IFT122: variants seen among roughly 807,000 people sequenced by gnomAD.
The protein encoded by IFT122 is intraflagellar transport protein 122 homolog.
IFT122 carries 118 observed loss-of-function variants against 161.6 expected under a neutral mutation model. The observed-to-expected ratio is 0.73, with a 90% CI of 0.63 to 0.85. The LOEUF is 0.85. Ranked by LOEUF, IFT122 falls within the 40% of genes least tolerant of loss-of-function variation. IFT122 has a pLI of 0.00. For missense variants in IFT122, 1,381 were observed against 1,579.6 expected (o/e 0.87, Z 2.13); for synonymous variants, 550 against 602.4 (o/e 0.91, Z 1.27).
At chr3:129,495,638 A>G (rs756098804) in intron 18 of IFT122, 31 bp downstream of exon 18, 26 of 1,613,420 alleles carry the variant, frequency 1.6e-5, no homozygotes, top group African/African-American at 9.3e-5. Context: ...CCCAAGCTCC[A>G]GCTTGGAGCC....
rs201630151 is a variant in IFT122 at position 129,466,981 on chromosome 3, A to G, written c.655A>G (p.Lys219Glu). 1.2e-5 allele frequency: 19 copies of G among 1,614,190 alleles called. No individual in the cohort carries two copies. Among genetic ancestry groups the G allele is most frequent in the Non-Finnish European group, 1.6e-5 (19 of 1,179,984 alleles). The change falls in exon 8 of 30, where the codon AAG becomes GAG. Residue 219 changes from lysine to glutamate, a missense_variant. Coordinates refer to ENST00000348417, the MANE Select transcript of IFT122 (RefSeq NM_052989.3). Reference protein sequence around the residue: ...RYIQEIPSTLKSAVYSSQGSE... With the variant: ...RYIQEIPSTLESAVYSSQGSE... ...TATTCAGGAAATCCCTTCCACTCTG[A>G]AGTCAGCAGTGTACAGTAGTCAGGG...
At chr3:129,503,677 G>A (rs997396692) in intron 20 of IFT122, among the ~76,000 whole-genome samples, 1 of 152,178 alleles carries the variant, frequency 6.6e-6, no homozygotes, top group African/African-American at 2.4e-5. Context: ...CCATTGGTGA[G>A]GTGATGAGGT....
intron 28 of IFT122, 99 bp from the exon 29 acceptor site, chr3:129,519,469 C>T (rs2084469200): frequency 1.3e-6 from 2 of 1,506,556 alleles, no homozygotes; most frequent in African/African-American, 1.4e-5. Context: ...GAAGCAGGTC[C>T]TCTCTCACCA....
chr3:129,466,893 A>C lies in IFT122; in HGVS notation c.567A>C (p.Arg189=). ...AACAACTACTTACTGTCTACAGCCG[A>C]TGGGAGAGTTTCTGGATGAACAGAG... ...IWSICWNPSS[R]WESFWMNREN... The change falls in exon 8 of 30, where the codon CGA becomes CGC. Residue 189 remains arginine, a synonymous_variant. Coordinates refer to ENST00000348417, the MANE Select transcript of IFT122 (RefSeq NM_052989.3). The C allele has an allele frequency of 6.2e-7, 1 of 1,613,940 alleles. No individual in the cohort carries two copies. The highest frequency in any genetic ancestry group is 8.5e-7 in the Non-Finnish European group (1 of 1,179,768).
At chr3:129,446,930 A>G (rs562183480) in intron 1 of IFT122, among the ~76,000 whole-genome samples, 12 of 152,282 alleles carry the variant, frequency 7.9e-5, no homozygotes, top group Admixed American at 3.9e-4. Flanking sequence ...CCTTAACAAT[A>G]GTCTGTTTTG....
At position 129,488,302 on chromosome 3, in the gene IFT122, G is replaced by T; in HGVS notation, c.1897G>T (p.Ala633Ser). The change falls in exon 16 of 30, where the codon GCC (alanine) becomes TCC (serine). Residue 633 changes from alanine (A) to serine (S), a missense_variant. Physicochemically the swap from Ala to Ser is moderately conservative, Grantham distance 99 (BLOSUM62 1). Transcript: ENST00000348417. ...CCTGGATAGGAAACTGTTCAAGGAAGCCTACCAGATTGCTTGCTTGGGTGT... is the reference window on the plus strand; with the variant it reads ...CCTGGATAGGAAACTGTTCAAGGAATCCTACCAGATTGCTTGCTTGGGTGT... ...QYLDRKLFKE[A>S]YQIACLGVTD... 1 of 1,614,230 alleles carries T rather than the reference G, an allele frequency of 6.2e-7. No homozygotes were observed. Among genetic ancestry groups the T allele is most frequent in the South Asian group, 1.1e-5 (1 of 91,088 alleles).
chr3:129,454,516 TGTGTGTGTGTGTGTGTG>T (rs2075234715), intron 3 of IFT122, among the ~76,000 whole-genome samples: 8 of 125,470 alleles, frequency 6.4e-5, no homozygotes, highest in Admixed American at 6.2e-4. Context: ...GTCATATTTG[TGTGTGTGTGTGTGTGTG>T]TGTGTGTGTG....
At chr3:129,516,380 CAGAGACTGCTCCTGCACACACATACAG>C in intron 26 of IFT122, among the ~76,000 whole-genome samples, 1 of 137,404 alleles carries the variant, frequency 7.3e-6, no homozygotes, top group South Asian at 2.5e-4. Context: ...CACACACACA[CAGAGACTGCTCCTGCACACACATACAG>C]AGACTGCCCC....
At chr3:129,511,374 A>G (rs2082805905) in intron 23 of IFT122, among the ~76,000 whole-genome samples, 1 of 152,208 alleles carries the variant, frequency 6.6e-6, no homozygotes, top group Admixed American at 6.5e-5. Flanking sequence ...TCTGAACTGA[A>G]GAAGTGTAGA....
chr3:129,449,880 C>G lies in IFT122; in HGVS notation c.51C>G (p.Asp17Glu). The G allele has an allele frequency of 6.2e-7, 1 of 1,611,284 alleles. No homozygotes were observed. Among genetic ancestry groups the G allele is most frequent in the Non-Finnish European group, 8.5e-7 (1 of 1,177,396 alleles). The part of the protein sequence containing the change: ...WRDKAEHCIN[D>E]IAFKPDGTQL... ...CTTGTCTTCTGTTCAGTATAAATGA[C>G]ATCGCATTTAAGCCTGATGGAACTC... Residue 17 changes from aspartate to glutamate, a missense_variant, in exon 2 of 30, where the codon GAC becomes GAG. Coordinates refer to ENST00000348417, the MANE Select transcript of IFT122 (RefSeq NM_052989.3).
intron 5 of IFT122, among the ~76,000 whole-genome samples, chr3:129,462,008 G>T (rs766718374): frequency 6.6e-6 from 1 of 151,610 alleles, no homozygotes; most frequent in Non-Finnish European, 1.5e-5. Context: ...GTCACTAGAT[G>T]AGGAGTCAGA....
chr3:129,500,246 G>A (rs1345880856), intron 19 of IFT122, among the ~76,000 whole-genome samples, 178 bp downstream of exon 19: 2 of 152,230 alleles, frequency 1.3e-5, no homozygotes, highest in East Asian at 3.8e-4. Context: ...AGGAGCTTGT[G>A]GAGTCACTAG....
intron 28 of IFT122, 25 bp from the exon 29 acceptor site, chr3:129,519,543 T>A (rs753194674): frequency 6.2e-7 from 1 of 1,611,916 alleles, no homozygotes. Flanking sequence ...GAGGACACTG[T>A]GCCTCCTTCC....
At chr3:129,501,927 C>T (rs2081604513) in intron 19 of IFT122, among the ~76,000 whole-genome samples, 1 of 152,208 alleles carries the variant, frequency 6.6e-6, no homozygotes, top group African/African-American at 2.4e-5. Flanking sequence ...TCCTTCCTTT[C>T]TCACCAAGAC....
rs557159295 is a variant in IFT122, at chr3:129,517,546, G to T, written c.3343G>T (p.Val1115Leu). The change falls in exon 27 of 30, where the codon GTG (valine) becomes TTG (leucine). Residue 1115 changes from valine to leucine, a missense_variant. This residue lies in a region of IFT122 where 177 missense variants were observed against 199.2 expected (regional missense o/e 0.89). Coordinates refer to ENST00000348417, the MANE Select transcript of IFT122 (RefSeq NM_052989.3). ...AGCCATCTCCCTCATCGACCTGGAG[G>T]TGCTGAGACCCAAGCGGGATGACAG... ...EEAISLIDLEVLRPKRDDRQL... is the reference protein window; with the variant it reads ...EEAISLIDLELLRPKRDDRQL... 1.2e-5 allele frequency: 20 copies of T among 1,613,940 alleles called. No individual in the cohort carries two copies. In the Admixed American group the frequency reaches 2.5e-4, roughly 20 times the overall value.
intron 21 of IFT122, among the ~76,000 whole-genome samples, chr3:129,505,577 G>T (rs2082110026): frequency 6.6e-6 from 1 of 152,196 alleles, no homozygotes; most frequent in Non-Finnish European, 1.5e-5. Flanking sequence ...GGTTGTAGAT[G>T]AGAACGGAAC....
At position 129,467,021 on chromosome 3, in the gene IFT122, A is replaced by G; in HGVS notation, c.695A>G (p.Glu232Gly). 6.2e-7 allele frequency: 1 copy of G among 1,614,170 alleles called. No homozygotes were observed. ...VYSSQGSEAE[E>G]EEPEEEDDSP... ...AGTAGTCAGGGTAGTGAGGCAGAGG[A>G]GGAAGAACCAGAGGAAGAGGACGAC... Residue 232 changes from glutamate (E) to glycine (G), a missense_variant, in exon 8 of 30, where the codon GAG becomes GGG. Glu to Gly is a moderately conservative substitution (Grantham distance 98, BLOSUM62 -2). This residue lies in a region of IFT122 where 544 missense variants were observed against 648.0 expected (regional missense o/e 0.84). Coordinates refer to ENST00000348417, the MANE Select transcript of IFT122 (RefSeq NM_052989.3).
At position 129,458,697 on chromosome 3, in the gene IFT122, AGTAT is replaced by A. The variant is rs1359267809; in HGVS notation, c.272+21_272+24del. ...GTACACGTAAGTAACTTAGGTGTAC[AGTAT>A]TATGAGTTTGATGCTTATTGAATAA... On this transcript the variant is annotated intron_variant, in intron 4 of 29. Coordinates refer to ENST00000348417, the MANE Select transcript of IFT122 (RefSeq NM_052989.3). 3.2e-6 allele frequency: 5 copies of A among 1,540,422 alleles called. No individual in the cohort carries two copies. In the African/African-American group the frequency reaches 5.4e-5, roughly 17 times the overall value.
chr3:129,453,389 C>T (rs925111441), intron 3 of IFT122, among the ~76,000 whole-genome samples: 2 of 152,056 alleles, frequency 1.3e-5, no homozygotes, highest in Non-Finnish European at 2.9e-5. Context: ...TGTAAAGTCA[C>T]TGCCTCAGAG....
Sources: allele counts gnomAD v4.1 joint callset (sites outside exome capture counted in the v4.1 genomes callset), GRCh38; gene constraint gnomAD v4.1.1; regional missense constraint gnomAD v4.1.1; transcripts MANE v1.5; gene names NCBI Gene and HGNC (gene_info 2026-07-23, HGNC 2026-07-21).